KIF21A: variants seen among roughly 807,000 people sequenced by gnomAD.
The protein encoded by KIF21A is kinesin-like protein KIF21A.
In KIF21A, 114 loss-of-function variants were observed where a neutral mutation model predicts 202.9. That is an observed-to-expected ratio of 0.56 (90% CI 0.48 to 0.66). The LOEUF (loss-of-function observed/expected upper bound fraction) is 0.66. Ranked by LOEUF, KIF21A falls within the 30% of genes least tolerant of loss-of-function variation. The pLI, the probability that KIF21A is intolerant of heterozygous loss-of-function variation, is 0.00. For missense variants in KIF21A, 1,677 were observed against 1,994.9 expected, an observed-to-expected ratio of 0.84 and a Z score of 3.04; for synonymous variants, 667 against 670.8, an observed-to-expected ratio of 0.99 and a Z score of 0.09.
intron 1 of KIF21A, among the ~76,000 whole-genome samples, chr12:39,413,319 C>A (rs950145165): frequency 6.6e-6 from 1 of 152,088 alleles, no homozygotes; most frequent in Non-Finnish European, 1.5e-5. Flanking sequence ...GTTCCTACAC[C>A]CATTTTGGAA....
intron 1 of KIF21A, among the ~76,000 whole-genome samples, chr12:39,414,241 T>C (rs889785649): frequency 2.6e-5 from 4 of 152,342 alleles, no homozygotes; most frequent in Non-Finnish European, 5.9e-5. Flanking sequence ...TTTTACCCAA[T>C]TGTCCTTTTT....
intron 28 of KIF21A, 49 bp downstream of exon 28, chr12:39,319,844 TAGCATCTAAGTGC>T: frequency 1.1e-6 from 1 of 950,936 alleles, no homozygotes; most frequent in Non-Finnish European, 1.7e-6. Context: ...TGATTATCTT[TAGCATCTAAGTGC>T]AGCAGGCATT....
chr12:39,389,056 A>C (rs1253241981), intron 1 of KIF21A, among the ~76,000 whole-genome samples: 1 of 152,124 alleles, frequency 6.6e-6, no homozygotes, highest in Non-Finnish European at 1.5e-5. Flanking sequence ...TTAGAACTGA[A>C]ACTTTTCATC....
At chr12:39,421,410 T>G (rs1207268373) in intron 1 of KIF21A, among the ~76,000 whole-genome samples, 1 of 152,164 alleles carries the variant, frequency 6.6e-6, no homozygotes, top group African/African-American at 2.4e-5. Flanking sequence ...GATAGGCAGA[T>G]GGCCGAGCGC....
chr12:39,344,772 A>G (rs1947747682), intron 12 of KIF21A, among the ~76,000 whole-genome samples: 1 of 152,212 alleles, frequency 6.6e-6, no homozygotes, highest in Non-Finnish European at 1.5e-5. Context: ...AGTTTTCCTC[A>G]GTAAACCGAG....
In KIF21A at chr12:39,293,661, A is replaced by G. The variant is rs1246596596; in HGVS notation, c.*763T>C. On this transcript the variant is annotated 3_prime_UTR_variant, in exon 38 of 38. Transcript: ENST00000361418. ...GTCATAATAGAAACAACTCCATAGG[A>G]AAATAGATCAAAATATATTTCTGTT... 1.3e-5 allele frequency: 2 copies of G among 152,548 alleles called. No individual in the cohort carries two copies. The highest frequency in any genetic ancestry group is 4.8e-5 in the African/African-American group (2 of 41,446). The allele number at this position is 152,548 out of a possible 1,614,324, so 9.4% of individuals were successfully genotyped here. A position where few individuals can be genotyped will look rare whatever the true frequency, so the allele number is the denominator to read the frequency against.
chr12:39,318,308 T>G, intron 28 of KIF21A, 107 bp from the exon 29 acceptor site: 1 of 982,174 alleles, frequency 1.0e-6, no homozygotes, highest in African/African-American at 1.7e-5. Flanking sequence ...ATTAGAGAAC[T>G]CCTTCTTTCC....
chr12:39,338,248 A>G (rs1291586477), intron 16 of KIF21A, among the ~76,000 whole-genome samples: 1 of 152,222 alleles, frequency 6.6e-6, no homozygotes, highest in Non-Finnish European at 1.5e-5. Context: ...AAGTTTAAAA[A>G]GTAAAAAATA....
intron 1 of KIF21A, among the ~76,000 whole-genome samples, chr12:39,434,508 C>T (rs1294547053): frequency 6.6e-6 from 1 of 152,220 alleles, no homozygotes; most frequent in East Asian, 1.9e-4. Context: ...AGTGCTTTCA[C>T]ATGGTTGTCT....
At chr12:39,341,334 T>C (rs769962479) in intron 14 of KIF21A, among the ~76,000 whole-genome samples, 171 bp downstream of exon 14, 9 of 152,116 alleles carry the variant, frequency 5.9e-5, no homozygotes, top group Non-Finnish European at 1.0e-4. Flanking sequence ...CTAAATCCAG[T>C]AAGAGAAGTA....
intron 37 of KIF21A, among the ~76,000 whole-genome samples, chr12:39,298,587 T>C (rs1305762197): frequency 1.3e-5 from 2 of 152,100 alleles, no homozygotes; most frequent in African/African-American, 4.8e-5. Context: ...TAGACCTACC[T>C]AACAAAGGTT....
chr12:39,354,131 G>A (rs187091278), intron 10 of KIF21A, among the ~76,000 whole-genome samples: 1 of 151,952 alleles, frequency 6.6e-6, no homozygotes, highest in Non-Finnish European at 1.5e-5. Context: ...GAATTTAAAA[G>A]TCCCCCAACT....
intron 10 of KIF21A, among the ~76,000 whole-genome samples, chr12:39,353,882 G>A (rs573397260): frequency 1.1e-4 from 16 of 151,626 alleles, no homozygotes; most frequent in Admixed American, 7.9e-4. Flanking sequence ...CTCTCTTCCC[G>A]TTCACTCACC....
At chr12:39,335,186 C>T (rs911500880) in intron 17 of KIF21A, among the ~76,000 whole-genome samples, 3 of 151,804 alleles carry the variant, frequency 2.0e-5, no homozygotes, top group East Asian at 1.9e-4. Flanking sequence ...CGAGGCGGGG[C>T]GGATCACTTG....
chr12:39,370,764 G>A (rs1446060172), intron 1 of KIF21A, among the ~76,000 whole-genome samples: 1 of 151,784 alleles, frequency 6.6e-6, no homozygotes, highest in Non-Finnish European at 1.5e-5. Flanking sequence ...TGACCATTAT[G>A]TTCTATCAGT....
chr12:39,349,016 A>G (rs1191448922), intron 11 of KIF21A, among the ~76,000 whole-genome samples: 4 of 152,036 alleles, frequency 2.6e-5, no homozygotes, highest in African/African-American at 9.7e-5. Flanking sequence ...AAAAAAATAG[A>G]TAATTTTGAA....
intron 1 of KIF21A, 41 bp from the exon 2 acceptor site, chr12:39,370,302 G>T: frequency 6.8e-7 from 1 of 1,460,506 alleles, no homozygotes; most frequent in Non-Finnish European, 9.4e-7. Context: ...AAAATAAATG[G>T]CAAAAAAAAA....
intron 1 of KIF21A, among the ~76,000 whole-genome samples, chr12:39,414,596 T>C (rs1223041892): frequency 6.6e-6 from 1 of 152,148 alleles, no homozygotes; most frequent in African/African-American, 2.4e-5. Flanking sequence ...AAGAAATCCA[T>C]GCATGCAGGC....
At chr12:39,366,651 A>T in intron 5 of KIF21A, 134 bp from the exon 6 acceptor site, 1 of 695,556 alleles carries the variant, frequency 1.4e-6, no homozygotes, top group Non-Finnish European at 2.4e-6. Context: ...ATAAATTCAA[A>T]AATGTCTGCT....
Sources: gnomAD v4.1 joint callset for allele counts (sites outside exome capture counted in the v4.1 genomes callset) on GRCh38, gnomAD v4.1.1 for gene constraint, MANE v1.5 for transcripts, NCBI Gene and HGNC (gene_info 2026-07-23, HGNC 2026-07-21) for gene names.